The following TUT4 variants were observed in gnomAD, a reference collection of about 807,000 sequenced individuals.
TUT4 encodes terminal uridylyltransferase 4.
A neutral mutation model predicts 192.2 loss-of-function variants in TUT4; 36 were observed. The ratio of observed to expected loss-of-function variants is 0.19; its 90% CI spans 0.14 to 0.25. TUT4 has a LOEUF of 0.25. TUT4 is among the 10% of genes least tolerant of loss of function. TUT4 has a pLI of 1.00. For missense variants in TUT4, 1,493 were observed against 1,957.2 expected (o/e 0.76, Z 4.47); for synonymous variants, 618 against 666.0 (o/e 0.93, Z 1.11).
chr1:52,550,505 T>TG (rs1198765638), intron 1 of TUT4, among the ~76,000 whole-genome samples: 2 of 150,948 alleles, frequency 1.3e-5, no homozygotes, highest in African/African-American at 4.9e-5. Context: ...GCTTTTTTTT[T>TG]TTTTTTTTTT....
intron 1 of TUT4, among the ~76,000 whole-genome samples, chr1:52,527,921 G>A (rs1412711040): frequency 1.3e-5 from 2 of 152,174 alleles, no homozygotes; most frequent in Non-Finnish European, 2.9e-5. Flanking sequence ...CCTCACGCCT[G>A]TAATCCCAGC....
intron 2 of TUT4, 131 bp downstream of exon 2, chr1:52,525,432 G>A (rs1290854591): frequency 2.6e-6 from 3 of 1,159,586 alleles, no homozygotes; most frequent in Non-Finnish European, 3.5e-6. Context: ...TTATTAATGT[G>A]GATGTTTTCA....
chr1:52,447,461 CAAAAAAA>C (rs1557679568), intron 20 of TUT4, among the ~76,000 whole-genome samples: 47 of 111,598 alleles, frequency 4.2e-4, no homozygotes, highest in African/African-American at 2.5e-3. Flanking sequence ...CAAAAAAAAA[CAAAAAAA>C]CAAAAAAACA....
At position 52,472,108 on chromosome 1, in the gene TUT4, C is replaced by G; in HGVS notation, c.2728-6G>C. 1 of 1,610,898 alleles carries G rather than the reference C, an allele frequency of 6.2e-7. No individual in the cohort carries two copies. Among genetic ancestry groups the G allele is most frequent in the Non-Finnish European group, 8.5e-7 (1 of 1,178,800 alleles). ...CTGCATACTATCGTTGGTGGCTACACAAAGATAAAAAGAAATCTAATCTAA... is the reference window on the plus strand; with the variant it reads ...CTGCATACTATCGTTGGTGGCTACAGAAAGATAAAAAGAAATCTAATCTAA... On this transcript the variant is annotated splice_region_variant and splice_polypyrimidine_tract_variant and intron_variant, in intron 13 of 29. Transcript: ENST00000257177.
chr1:52,431,333 G>A lies in TUT4; in HGVS notation c.4391C>T (p.Ala1464Val), dbSNP rs769408764. The change falls in exon 28 of 30, where the codon GCC becomes GTC. Residue 1464 changes from alanine (A) to valine (V), a missense_variant. Ala to Val is a moderately conservative substitution (Grantham distance 64, BLOSUM62 0). Coordinates refer to ENST00000257177, the MANE Select transcript of TUT4 (RefSeq NM_001009881.3). ...QPKLGPPQQG[A>V]QPPHQVQMPL... ...CATCTGGACCTGATGGGGAGGTTGG[G>A]CTCCCTGCTGAGGTGGGCCAAGCTT... 24 of 1,614,156 alleles carry A rather than the reference G, an allele frequency of 1.5e-5. No individual in the cohort carries two copies. Among genetic ancestry groups the A allele is most frequent in the Middle Eastern group, 1.6e-4 (1 of 6,062 alleles).
At chr1:52,496,801 T>A (rs1174604241) in intron 5 of TUT4, among the ~76,000 whole-genome samples, 1 of 151,244 alleles carries the variant, frequency 6.6e-6, no homozygotes. Context: ...AAAATCTTTT[T>A]TTCTTAGTAC....
intron 24 of TUT4, among the ~76,000 whole-genome samples, chr1:52,445,490 C>T (rs756139373): frequency 1.3e-5 from 2 of 152,292 alleles, no homozygotes; most frequent in Non-Finnish European, 2.9e-5. Flanking sequence ...TTATTTGGTA[C>T]ATCCAATGCG....
chr1:52,457,444 C>T (rs1456449704), intron 20 of TUT4, among the ~76,000 whole-genome samples: 1 of 152,050 alleles, frequency 6.6e-6, no homozygotes, highest in African/African-American at 2.4e-5. Context: ...CCATGTTGGC[C>T]AGGATGGTCT....
chr1:52,541,303 C>T (rs1245142200), intron 1 of TUT4, among the ~76,000 whole-genome samples: 1 of 151,654 alleles, frequency 6.6e-6, no homozygotes, highest in African/African-American at 2.4e-5. Context: ...GAGTCCAAGG[C>T]AGTGGATTAC....
At chr1:52,496,641 CCCA>C (rs1354727450) in intron 5 of TUT4, among the ~76,000 whole-genome samples, 1 of 151,986 alleles carries the variant, frequency 6.6e-6, no homozygotes, top group Non-Finnish European at 1.5e-5. Flanking sequence ...TTAATTTTTC[CCCA>C]CCATCAGGCA....
chr1:52,493,920 C>T (rs1483827972), intron 6 of TUT4, among the ~76,000 whole-genome samples: 1 of 151,262 alleles, frequency 6.6e-6, no homozygotes, highest in Non-Finnish European at 1.5e-5. Context: ...CTCAGCATCC[C>T]GAGTAGCTAG....
chr1:52,451,842 C>CAA (rs757255301), intron 20 of TUT4, among the ~76,000 whole-genome samples: 15 of 84,550 alleles, frequency 1.8e-4, no homozygotes, highest in African/African-American at 5.3e-4. Context: ...GATTCCATCT[C>CAA]AAAAAAAAAA....
At chr1:52,464,243 TTTTA>T (rs940809203) in intron 16 of TUT4, among the ~76,000 whole-genome samples, 3 of 152,052 alleles carry the variant, frequency 2.0e-5, no homozygotes, top group Non-Finnish European at 4.4e-5. Context: ...TATCTTAGCA[TTTTA>T]TTTATTTATT....
chr1:52,456,790 T>C (rs926135959), intron 20 of TUT4, among the ~76,000 whole-genome samples: 3 of 152,180 alleles, frequency 2.0e-5, no homozygotes, highest in Non-Finnish European at 2.9e-5. Flanking sequence ...TGATAAAATG[T>C]GTACATCATT....
intron 1 of TUT4, among the ~76,000 whole-genome samples, chr1:52,546,467 T>C (rs1411203906): frequency 6.6e-6 from 1 of 152,178 alleles, no homozygotes; most frequent in Non-Finnish European, 1.5e-5. Flanking sequence ...ATTCAATTTA[T>C]ATGAGGTATT....
intron 13 of TUT4, among the ~76,000 whole-genome samples, 173 bp downstream of exon 13, chr1:52,474,659 C>T (rs1666644840): frequency 6.6e-6 from 1 of 152,106 alleles, no homozygotes; most frequent in Non-Finnish European, 1.5e-5. Context: ...GCTTTATATA[C>T]ATTATTTAAA....
At chr1:52,457,657 G>A (rs951053390) in intron 20 of TUT4, among the ~76,000 whole-genome samples, 1 of 152,166 alleles carries the variant, frequency 6.6e-6, no homozygotes, top group Non-Finnish European at 1.5e-5. Flanking sequence ...TAAAAAATTT[G>A]AATTGGATCC....
In TUT4 at chr1:52,448,588, CAA is replaced by C. The variant is rs1190767355; in HGVS notation, c.3436-1923_3436-1922del. ...TGGGTGACTAAGCGAGATTCTGTCT[CAA>C]AAAAAAAAAAAAAAAAAAAAAAAGA... On this transcript the variant is annotated intron_variant, in intron 20 of 29. Transcript: ENST00000257177. 5.7e-3 allele frequency among the ~76,000 whole-genome samples: 234 copies of C among 40,772 alleles called. 1 individual carries two copies. The highest frequency in any genetic ancestry group is 0.017 in the African/African-American group (194 of 11,232). The allele number at this position is 40,772 out of a possible 152,430, so 26.7% of individuals were successfully genotyped here. A position where few individuals can be genotyped will look rare whatever the true frequency, so the allele number is the denominator to read the frequency against.
intron 1 of TUT4, among the ~76,000 whole-genome samples, chr1:52,542,488 A>G (rs575631678): frequency 1.1e-4 from 16 of 152,348 alleles, no homozygotes; most frequent in Non-Finnish European, 1.9e-4. Context: ...ACATATGAAA[A>G]CAGATCAATG....
Sources: allele counts gnomAD v4.1 joint callset (sites outside exome capture counted in the v4.1 genomes callset), GRCh38; gene constraint gnomAD v4.1.1; transcripts MANE v1.5; gene names NCBI Gene and HGNC (gene_info 2026-07-23, HGNC 2026-07-21).